The following GRIK4 variants were observed in gnomAD, a reference collection of about 807,000 sequenced individuals.
GRIK4 encodes glutamate ionotropic receptor kainate type subunit 4.
A neutral mutation model predicts 104.9 loss-of-function variants in GRIK4; 40 were observed. The ratio of observed to expected loss-of-function variants is 0.38; its 90% CI spans 0.30 to 0.50. The LOEUF (loss-of-function observed/expected upper bound fraction) is 0.50, where lower values mean the gene tolerates loss of function less well. Ranked by LOEUF, GRIK4 falls within the 20% of genes least tolerant of loss-of-function variation. GRIK4 has a pLI of 0.93. For synonymous variants in GRIK4, 485 were observed against 524.9 expected (o/e 0.92, Z 1.04); for missense variants, 1,047 against 1,308.1 (o/e 0.80, Z 3.08).
intron 8 of GRIK4, among the ~76,000 whole-genome samples, chr11:120,844,236 G>A (rs949280787): frequency 2.9e-4 from 44 of 152,216 alleles, no homozygotes; most frequent in African/African-American, 9.4e-4. Context: ...GTGAGTTGAC[G>A]CTACTCATCT....
chr11:120,845,138 A>G (rs926075207), intron 8 of GRIK4, among the ~76,000 whole-genome samples: 20 of 152,302 alleles, frequency 1.3e-4, no homozygotes, highest in African/African-American at 2.9e-4. Flanking sequence ...CTCTGTCCCA[A>G]TGGCTTGGCA....
chr11:120,929,748 C>T (rs1943439722), intron 13 of GRIK4, among the ~76,000 whole-genome samples: 1 of 152,104 alleles, frequency 6.6e-6, no homozygotes, highest in South Asian at 2.1e-4. Context: ...GGTTGGGCGT[C>T]CCACATGACA....
At chr11:120,725,216 G>T (rs1182867815) in intron 3 of GRIK4, among the ~76,000 whole-genome samples, 1 of 152,158 alleles carries the variant, frequency 6.6e-6, no homozygotes, top group African/African-American at 2.4e-5. Context: ...AGAGTTAGCT[G>T]GTCTCCATAT....
chr11:120,739,732 T>G (rs1951292938), intron 3 of GRIK4, among the ~76,000 whole-genome samples: 1 of 152,232 alleles, frequency 6.6e-6, no homozygotes, highest in African/African-American at 2.4e-5. Flanking sequence ...GGTGAGTGTG[T>G]GTCTCGGACT....
chr11:120,940,272 C>T lies in GRIK4; in HGVS notation c.1477-75C>T, dbSNP rs142089288. ...AGCATCACATCTCCAATAGCAGTGACGGTTGCTGGTCGCAAGTCTCTGTGC... is the reference window on the plus strand; with the variant it reads ...AGCATCACATCTCCAATAGCAGTGATGGTTGCTGGTCGCAAGTCTCTGTGC... On this transcript the variant is annotated intron_variant, in intron 13 of 20. Transcript: ENST00000527524. The surrounding 1 kb of genome is among the most constrained non-coding windows in gnomAD (Gnocchi z 4.3). 14 of 840,162 alleles carry T rather than the reference C, an allele frequency of 1.7e-5. No individual in the cohort carries two copies. The highest frequency in any genetic ancestry group is 1.2e-4 in the Admixed American group (6 of 49,600). The allele number at this position is 840,162 out of a possible 1,614,324, so 52.0% of individuals were successfully genotyped here.
chr11:120,795,274 G>A (rs543078478), intron 3 of GRIK4, among the ~76,000 whole-genome samples: 2 of 152,304 alleles, frequency 1.3e-5, no homozygotes, highest in South Asian at 4.1e-4. Flanking sequence ...AACCTGAGGG[G>A]TCACTTCTGG....
intron 11 of GRIK4, among the ~76,000 whole-genome samples, chr11:120,876,853 G>A (rs574835069): frequency 2.6e-5 from 4 of 152,306 alleles, no homozygotes; most frequent in African/African-American, 4.8e-5. Flanking sequence ...GACAGGCCCC[G>A]GGAACTGATG....
chr11:120,857,721 A>G (rs1280686038), intron 8 of GRIK4, among the ~76,000 whole-genome samples: 1 of 152,174 alleles, frequency 6.6e-6, no homozygotes, highest in Non-Finnish European at 1.5e-5. Context: ...TGAGACCCCA[A>G]GGCATTAAGA....
chr11:120,883,386 C>T (rs1457204947), intron 11 of GRIK4, among the ~76,000 whole-genome samples: 2 of 152,210 alleles, frequency 1.3e-5, no homozygotes, highest in Non-Finnish European at 2.9e-5. Context: ...AAGCAGAAGG[C>T]CCCTCCAATC....
At chr11:120,727,018 A>G (rs1951039066) in intron 3 of GRIK4, among the ~76,000 whole-genome samples, 1 of 152,202 alleles carries the variant, frequency 6.6e-6, no homozygotes, top group Admixed American at 6.5e-5. Flanking sequence ...CCAAAAATGA[A>G]AAGCAGAAAG....
intron 5 of GRIK4, among the ~76,000 whole-genome samples, chr11:120,817,298 T>C (rs756425562): frequency 1.3e-5 from 2 of 152,190 alleles, no homozygotes; most frequent in Non-Finnish European, 2.9e-5. Context: ...GCCAAGCCCA[T>C]GATCTGCAGC....
At chr11:120,933,884 C>A (rs574216421) in intron 13 of GRIK4, among the ~76,000 whole-genome samples, 2 of 152,184 alleles carry the variant, frequency 1.3e-5, no homozygotes. Flanking sequence ...GGCAGCCAGG[C>A]CAGGTGGAGG....
chr11:120,920,625 TC>T, intron 13 of GRIK4, among the ~76,000 whole-genome samples: 1 of 151,526 alleles, frequency 6.6e-6, no homozygotes, highest in East Asian at 1.9e-4. Flanking sequence ...CCTCACATAT[TC>T]CCCCCAGGAG....
intron 1 of GRIK4, among the ~76,000 whole-genome samples, chr11:120,564,058 G>A (rs1948275081): frequency 6.6e-6 from 1 of 152,316 alleles, no homozygotes; most frequent in Admixed American, 6.5e-5. Context: ...TAGTGGGGAA[G>A]TTGGGGTGGG....
intron 1 of GRIK4, among the ~76,000 whole-genome samples, chr11:120,631,419 G>A (rs890616824): frequency 2.0e-5 from 3 of 152,242 alleles, no homozygotes; most frequent in African/African-American, 7.2e-5. Flanking sequence ...TAGCCAGGAT[G>A]TGACGCTACT....
rs778692983 is a variant in GRIK4 at position 120,831,935 on chromosome 11, G to A, written c.595G>A (p.Asp199Asn). ...CGTCCGCATGCTGGATGACACCCGGGACCCCACCCCGCTCCTCAAGGAGAT... is the reference window on the plus strand; with the variant it reads ...CGTCCGCATGCTGGATGACACCCGGAACCCCACCCCGCTCCTCAAGGAGAT... The part of the protein sequence containing the change: ...LSVRMLDDTR[D>N]PTPLLKEIRD... The change falls in exon 7 of 21, where the codon GAC becomes AAC. Residue 199 changes from aspartate (D) to asparagine (N), a missense_variant. Around this residue, in one of 3 missense-constraint regions of GRIK4, gnomAD observed 447 missense variants for 514.9 expected, o/e 0.87. Coordinates refer to ENST00000527524, the MANE Select transcript of GRIK4 (RefSeq NM_014619.5). The A allele has an allele frequency of 6.2e-7, 1 of 1,613,846 alleles. No homozygotes were observed. The highest frequency in any genetic ancestry group is 8.5e-7 in the Non-Finnish European group (1 of 1,179,886).
At chr11:120,635,308 G>A (rs1461288544) in intron 1 of GRIK4, among the ~76,000 whole-genome samples, 2 of 152,234 alleles carry the variant, frequency 1.3e-5, no homozygotes, top group African/African-American at 4.8e-5. Context: ...TATGCAAATT[G>A]AGAGGCGTAG....
chr11:120,915,686 C>G (rs1943090917), intron 13 of GRIK4, among the ~76,000 whole-genome samples: 1 of 152,120 alleles, frequency 6.6e-6, no homozygotes, highest in African/African-American at 2.4e-5. Flanking sequence ...TGCTCCAGAC[C>G]CTTGCTCACA....
chr11:120,813,104 G>T (rs1230928724), intron 4 of GRIK4, among the ~76,000 whole-genome samples: 1 of 152,200 alleles, frequency 6.6e-6, no homozygotes, highest in Non-Finnish European at 1.5e-5. Context: ...TGGGCGGGGG[G>T]ACCTCCACTG....
Sources: allele counts gnomAD v4.1 joint callset (sites outside exome capture counted in the v4.1 genomes callset), GRCh38; gene constraint gnomAD v4.1.1; regional missense constraint gnomAD v4.1.1; non-coding constraint Gnocchi (gnomAD v3.1); transcripts MANE v1.5; gene names NCBI Gene and HGNC (gene_info 2026-07-23, HGNC 2026-07-21).